GCSAM: variants seen among roughly 807,000 people sequenced by gnomAD.
GCSAM encodes germinal center-associated signaling and motility protein.
Under a neutral mutation model 17.6 loss-of-function variants are expected in GCSAM, and 8 were observed. That is an observed-to-expected ratio of 0.46 (90% CI 0.27 to 0.82). The LOEUF is 0.82. Ranked by LOEUF, GCSAM falls within the 40% of genes least tolerant of loss-of-function variation. GCSAM has a pLI of 0.15. For synonymous variants in GCSAM, 68 were observed against 69.0 expected, an observed-to-expected ratio of 0.98 and a Z score of 0.07; for missense variants, 192 against 213.5, an observed-to-expected ratio of 0.90 and a Z score of 0.63.
rs2074424726 is a variant in GCSAM, at chr3:112,130,388, C to T, written c.98+57G>A. ...CTGGGATGTGAAGTCCAGGGCTTGACATACTTCGTTCTCCTTGGGCAAGGT... is the reference window on the plus strand; with the variant it reads ...CTGGGATGTGAAGTCCAGGGCTTGATATACTTCGTTCTCCTTGGGCAAGGT... On this transcript the variant is annotated intron_variant, in intron 2 of 5. Transcript: ENST00000308910. The T allele has an allele frequency of 6.4e-6, 9 of 1,400,018 alleles. No homozygotes were observed. In the South Asian group the frequency reaches 9.2e-5, roughly 14 times the overall value. 86.7% of individuals were successfully genotyped at this position (1,400,018 alleles called of 1,614,324 possible). A position where few individuals can be genotyped will look rare whatever the true frequency, so the allele number is the denominator to read the frequency against.
At chr3:112,125,545 C>T (rs573429897) in intron 4 of GCSAM, among the ~76,000 whole-genome samples, 2 of 152,306 alleles carry the variant, frequency 1.3e-5, no homozygotes, top group African/African-American at 4.8e-5. Flanking sequence ...TACCTAGCCC[C>T]GTCTCCTTCC....
intron 1 of GCSAM, 179 bp downstream of exon 1, chr3:112,132,913 A>T: frequency 1.7e-6 from 1 of 597,202 alleles, no homozygotes; most frequent in South Asian, 2.6e-5. Flanking sequence ...GGCAAAACCT[A>T]TGGGAAATTT....
At position 112,121,404 on chromosome 3, in the gene GCSAM, T is replaced by C. The variant is rs1036356176; in HGVS notation, c.*2051A>G. On this transcript the variant is annotated 3_prime_UTR_variant, in exon 6 of 6. Transcript: ENST00000308910. ...TTTTGTTTCTCTATGCTCTTTGATA[T>C]CATTTATTCGGCATCTGTAATAGAT... 1 of 152,234 alleles carries C rather than the reference T, an allele frequency of 6.6e-6. No individual in the cohort carries two copies. The highest frequency in any genetic ancestry group is 6.5e-5 in the Admixed American group (1 of 15,276). 9.4% of individuals were successfully genotyped at this position (152,234 alleles called of 1,614,324 possible).
intron 3 of GCSAM, among the ~76,000 whole-genome samples, 174 bp from the exon 4 acceptor site, chr3:112,127,207 T>G (rs542519464): frequency 6.6e-6 from 1 of 152,308 alleles, no homozygotes; most frequent in African/African-American, 2.4e-5. Context: ...TGAGGCCAAA[T>G]AGAAATATAT....
chr3:112,123,734 A>G lies in GCSAM; in HGVS notation c.258T>C (p.Tyr86=), dbSNP rs756927838. 5 of 1,614,062 alleles carry G rather than the reference A, an allele frequency of 3.1e-6. No homozygotes were observed. In the East Asian group the frequency reaches 6.7e-5, roughly 22 times the overall value. ...AGAGAACCCGATGATTGATGAGGGT[A>G]TAGCACAGCTCCTCTGAGTAGGTCT... The part of the protein sequence containing the change: ...VDQTYSEELC[Y]TLINHRVLCT... Residue 86 remains tyrosine, a synonymous_variant, in exon 6 of 6, where the codon TAT becomes TAC. Coordinates refer to ENST00000308910, the MANE Select transcript of GCSAM (RefSeq NM_152785.5).
rs903056606 is a variant in GCSAM, at chr3:112,122,874, A to G, written c.*581T>C. ...AAAATCATATAGGTTAAAATTATGT[A>G]AACATCTGGCCTAGAGCCTCTTGAT... On this transcript the variant is annotated 3_prime_UTR_variant, in exon 6 of 6. Coordinates refer to ENST00000308910, the MANE Select transcript of GCSAM (RefSeq NM_152785.5). The G allele has an allele frequency of 1.3e-5, 2 of 152,484 alleles. No individual in the cohort carries two copies. The highest frequency in any genetic ancestry group is 2.9e-5 in the Non-Finnish European group (2 of 68,272). 9.4% of individuals were successfully genotyped at this position (152,484 alleles called of 1,614,324 possible). A position where few individuals can be genotyped will look rare whatever the true frequency, so the allele number is the denominator to read the frequency against.
At chr3:112,127,795 C>T (rs533512437) in intron 3 of GCSAM, among the ~76,000 whole-genome samples, 65 of 152,286 alleles carry the variant, frequency 4.3e-4, no homozygotes, top group African/African-American at 1.4e-3. Flanking sequence ...ATCTTTGCTT[C>T]TGAGGCTTTC....
intron 3 of GCSAM, 110 bp downstream of exon 3, chr3:112,127,907 C>G (rs1576166874): frequency 6.1e-6 from 5 of 826,054 alleles, no homozygotes; most frequent in South Asian, 1.5e-5. Context: ...TGTATCTGGG[C>G]TACTGACAGG....
chr3:112,131,203 C>T (rs1328140053), intron 1 of GCSAM, among the ~76,000 whole-genome samples: 1 of 152,032 alleles, frequency 6.6e-6, no homozygotes, highest in Non-Finnish European at 1.5e-5. Context: ...GAAACTGAGG[C>T]CCAAAATGCT....
chr3:112,122,677 G>A lies in GCSAM; in HGVS notation c.*778C>T, dbSNP rs2074222681. 1 of 152,190 alleles carries A rather than the reference G, an allele frequency of 6.6e-6. No homozygotes were observed. Among genetic ancestry groups the A allele is most frequent in the East Asian group, 1.9e-4 (1 of 5,184 alleles). The allele number at this position is 152,190 out of a possible 1,614,324, so 9.4% of individuals were successfully genotyped here. A position where few individuals can be genotyped will look rare whatever the true frequency, so the allele number is the denominator to read the frequency against. ...AAATTGGAAGTCAGTAGGAAATCAGGCTCCAAATTAAGTTTTGCCACTAAC... is the reference window on the plus strand; with the variant it reads ...AAATTGGAAGTCAGTAGGAAATCAGACTCCAAATTAAGTTTTGCCACTAAC... On this transcript the variant is annotated 3_prime_UTR_variant, in exon 6 of 6. Transcript: ENST00000308910.
intron 4 of GCSAM, among the ~76,000 whole-genome samples, chr3:112,126,328 T>A (rs2074316529): frequency 6.6e-6 from 1 of 152,192 alleles, no homozygotes. Flanking sequence ...CCATTTTTCT[T>A]CTTCAGAAAC....
chr3:112,130,341 G>A, intron 2 of GCSAM, 104 bp downstream of exon 2: 1 of 879,318 alleles, frequency 1.1e-6, no homozygotes, highest in African/African-American at 1.6e-5. Context: ...ACTGCTACTG[G>A]TCTAAACAGG....
At chr3:112,128,392 T>C in intron 2 of GCSAM, 1 of 443,256 alleles carries the variant, frequency 2.3e-6, no homozygotes, top group Non-Finnish European at 4.2e-6. Context: ...AAGGTACAAG[T>C]GTATGGAAAT....
chr3:112,125,170 G>T, intron 5 of GCSAM, 56 bp downstream of exon 5: 1 of 1,115,530 alleles, frequency 9.0e-7, no homozygotes, highest in South Asian at 1.2e-5. Context: ...CTGCCATTTA[G>T]GGTGTCTGTA....
chr3:112,125,068 G>A (rs753041300), intron 5 of GCSAM, among the ~76,000 whole-genome samples, 158 bp downstream of exon 5: 7 of 152,062 alleles, frequency 4.6e-5, no homozygotes, highest in African/African-American at 9.7e-5. Flanking sequence ...TCTGCCACCC[G>A]GCCCTGCACC....
rs777495540 is a variant in GCSAM, at chr3:112,123,638, T to C, written c.354A>G (p.Arg118=). Residue 118 remains arginine, a synonymous_variant, in exon 6 of 6, where the codon AGA becomes AGG. Coordinates refer to ENST00000308910, the MANE Select transcript of GCSAM (RefSeq NM_152785.5). ...ENVPCKAERP[R]ESLGGTETEY... ...CAGTCTCAGTTCCTCCCAAGGACTC[T>C]CTGGGTCTCTCAGCTTTGCAGGGAA... 13 of 1,614,058 alleles carry C rather than the reference T, an allele frequency of 8.1e-6. No homozygotes were observed. Among genetic ancestry groups the C allele is most frequent in the Non-Finnish European group, 1.1e-5 (13 of 1,180,014 alleles).
At chr3:112,132,849 C>A in intron 1 of GCSAM, 1 of 477,636 alleles carries the variant, frequency 2.1e-6, no homozygotes. Context: ...TTGGTAAAGT[C>A]TTTCCACCTT....
Position 112,127,151 on chromosome 3 carries a change from C to T in GCSAM, c.144-118G>A, listed in dbSNP as rs2074343053. On this transcript the variant is annotated intron_variant, in intron 3 of 5. Transcript: ENST00000308910. ...TAAAGTTATATACCTTTTATAATAC[C>T]TCCTTCAGCATAGATGAGTTAAGTA... 2.7e-5 allele frequency: 17 copies of T among 627,992 alleles called. 1 individual carries two copies. The South Asian group carries it at 3.2e-4, about 12-fold the overall frequency. 38.9% of individuals were successfully genotyped at this position (627,992 alleles called of 1,614,324 possible).
chr3:112,132,866 A>C (rs927829511), intron 1 of GCSAM: 3 of 500,234 alleles, frequency 6.0e-6, no homozygotes, highest in African/African-American at 4.0e-5. Context: ...CCTTTCAGCT[A>C]TTCTCCATCA....
Sources: gnomAD v4.1 joint callset for allele counts (sites outside exome capture counted in the v4.1 genomes callset) on GRCh38, gnomAD v4.1.1 for gene constraint, MANE v1.5 for transcripts, NCBI Gene and HGNC (gene_info 2026-07-23, HGNC 2026-07-21) for gene names.